The following THSD7B variants were observed in gnomAD, a reference collection of about 807,000 sequenced individuals.
THSD7B encodes thrombospondin type 1 domain containing 7B, also known as thrombospondin type-1 domain-containing protein 7B.
Under a neutral mutation model 213.6 loss-of-function variants are expected in THSD7B, and 138 were observed. That is an observed-to-expected ratio of 0.65 (90% CI 0.56 to 0.74). The LOEUF is 0.74. Among genes scored for constraint, THSD7B ranks in the 30% least tolerant of loss-of-function variants. The probability of loss-of-function intolerance (pLI) is 0.00; values close to 1 mark genes in which losing one functional copy is unlikely to be tolerated. For missense variants in THSD7B, 1,931 were observed against 1,991.5 expected, an observed-to-expected ratio of 0.97 and a Z score of 0.58; for synonymous variants, 742 against 687.0, an observed-to-expected ratio of 1.08 and a Z score of -1.25.
At chr2:137,676,502 A>T in intron 27 of THSD7B, 22 bp from the exon 28 acceptor site, 1 of 1,570,526 alleles carries the variant, frequency 6.4e-7, no homozygotes, top group Non-Finnish European at 8.6e-7. Context: ...ACTTGATCTG[A>T]GGAATTTTTT....
At chr2:137,316,365 C>G (rs1460632764) in intron 12 of THSD7B, among the ~76,000 whole-genome samples, 8 of 152,238 alleles carry the variant, frequency 5.3e-5, no homozygotes, top group Non-Finnish European at 1.2e-4. Flanking sequence ...TAAGAATTTA[C>G]TCCAGGTTTC....
intron 7 of THSD7B, among the ~76,000 whole-genome samples, chr2:137,217,701 CAG>C (rs1324705985): frequency 2.6e-5 from 4 of 152,172 alleles, no homozygotes; most frequent in African/African-American, 9.6e-5. Context: ...AAAAACATCT[CAG>C]ATGCTAAAAC....
chr2:137,063,649 A>C (rs1369335474), intron 3 of THSD7B, among the ~76,000 whole-genome samples: 2 of 151,780 alleles, frequency 1.3e-5, no homozygotes, highest in Admixed American at 6.6e-5. Context: ...CTGTGTGCCC[A>C]TTAATCTCCA....
intron 1 of THSD7B, among the ~76,000 whole-genome samples, chr2:136,813,165 T>G (rs559748141): frequency 6.6e-6 from 1 of 152,364 alleles, no homozygotes; most frequent in East Asian, 1.9e-4. Flanking sequence ...TACTTTTTGC[T>G]TCTTTTTGAT....
At chr2:137,630,927 C>T (rs1682729570) in intron 20 of THSD7B, among the ~76,000 whole-genome samples, 1 of 152,136 alleles carries the variant, frequency 6.6e-6, no homozygotes, top group African/African-American at 2.4e-5. Flanking sequence ...ATCTTTTTTT[C>T]TGCATTCGCT....
At chr2:137,131,692 A>T (rs1688735425) in intron 5 of THSD7B, among the ~76,000 whole-genome samples, 1 of 152,128 alleles carries the variant, frequency 6.6e-6, no homozygotes, top group African/African-American at 2.4e-5. Context: ...ATAGTTGTAG[A>T]TATGCAGCGT....
chr2:136,980,746 C>G (rs1177477776), intron 2 of THSD7B, among the ~76,000 whole-genome samples: 1 of 152,182 alleles, frequency 6.6e-6, no homozygotes, highest in African/African-American at 2.4e-5. Context: ...AACCAAGGCC[C>G]TGGTGGTGTG....
At chr2:137,539,455 A>G (rs539060679) in intron 15 of THSD7B, among the ~76,000 whole-genome samples, 1 of 151,776 alleles carries the variant, frequency 6.6e-6, no homozygotes, top group South Asian at 2.1e-4. Flanking sequence ...TTATAATGTC[A>G]TACCTTCTGT....
At chr2:137,077,342 G>A (rs574636564) in intron 3 of THSD7B, among the ~76,000 whole-genome samples, 144 of 152,272 alleles carry the variant, frequency 9.5e-4, no homozygotes, top group Admixed American at 3.9e-3. Context: ...TATATACCCA[G>A]TAATGGGATG....
At chr2:137,039,729 A>G (rs1264779196) in intron 2 of THSD7B, among the ~76,000 whole-genome samples, 1 of 152,236 alleles carries the variant, frequency 6.6e-6, no homozygotes, top group African/African-American at 2.4e-5. Context: ...GCTGAATGGC[A>G]AAATCAGGAT....
chr2:136,803,722 G>A (rs368766129), intron 1 of THSD7B, among the ~76,000 whole-genome samples: 3 of 152,160 alleles, frequency 2.0e-5, no homozygotes, highest in Non-Finnish European at 4.4e-5. Flanking sequence ...CCATCTTCAC[G>A]CTGAAGAACA....
At chr2:137,626,202 C>G (rs1291971977) in intron 20 of THSD7B, among the ~76,000 whole-genome samples, 1 of 152,156 alleles carries the variant, frequency 6.6e-6, no homozygotes, top group Non-Finnish European at 1.5e-5. Flanking sequence ...GTGGCTCACG[C>G]CTGTAACCCC....
At chr2:137,634,489 C>A (rs768043095) in intron 20 of THSD7B, among the ~76,000 whole-genome samples, 1 of 152,132 alleles carries the variant, frequency 6.6e-6, no homozygotes, top group Admixed American at 6.5e-5. Flanking sequence ...GAACCTTCTT[C>A]GACAATCTCT....
At chr2:137,264,978 T>TC (rs1314531706) in intron 10 of THSD7B, among the ~76,000 whole-genome samples, 4 of 151,728 alleles carry the variant, frequency 2.6e-5, no homozygotes, top group Admixed American at 2.0e-4. Context: ...CCCTCCCCTC[T>TC]CCCCCCACGC....
At position 137,357,465 on chromosome 2, in the gene THSD7B, G is replaced by A. The variant is rs553247065; in HGVS notation, c.2501-48148G>A. Among the ~76,000 whole-genome samples, 32 of 152,112 alleles carry A rather than the reference G, an allele frequency of 2.1e-4. 1 individual carries two copies. The South Asian group carries it at 6.4e-3, about 31-fold the overall frequency. ...CTGAGATTATATATCTTATTTATAGGATTGTTATAAGTATTAGAAAATTAT... is the reference window on the plus strand; with the variant it reads ...CTGAGATTATATATCTTATTTATAGAATTGTTATAAGTATTAGAAAATTAT... On this transcript the variant is annotated intron_variant, in intron 12 of 27. Transcript: ENST00000409968.
At position 137,066,594 on chromosome 2, in the gene THSD7B, T is replaced by TC. The variant is rs547641310; in HGVS notation, c.950+9365dup. 2.5e-4 allele frequency among the ~76,000 whole-genome samples: 38 copies of TC among 152,246 alleles called. 1 individual carries two copies. The South Asian group carries it at 6.0e-3, about 24-fold the overall frequency. On this transcript the variant is annotated intron_variant, in intron 3 of 27. Coordinates refer to ENST00000409968, the MANE Select transcript of THSD7B (RefSeq NM_001316349.2). Reference sequence around the variant, plus strand: ...CTTCTCTATAGGTAAGGTGTGTTTTTCTCCCTCTGGCTTCTTGAAATAATT... The same window carrying TC: ...CTTCTCTATAGGTAAGGTGTGTTTTTCCTCCCTCTGGCTTCTTGAAATAATT...
At chr2:137,273,542 C>T (rs990326896) in intron 11 of THSD7B, among the ~76,000 whole-genome samples, 1 of 152,016 alleles carries the variant, frequency 6.6e-6, no homozygotes, top group Non-Finnish European at 1.5e-5. Flanking sequence ...GCAAAAATGT[C>T]CCGTGTTTCT....
intron 12 of THSD7B, among the ~76,000 whole-genome samples, chr2:137,355,893 T>A (rs761292449): frequency 1.8e-4 from 27 of 152,210 alleles, no homozygotes; most frequent in Non-Finnish European, 4.0e-4. Flanking sequence ...GCTAACGCTA[T>A]GCTTCTTTGC....
rs1683732776 is a variant in THSD7B at position 137,677,581 on chromosome 2, T to TATCTA, written c.*978_*982dup. 1 of 152,774 alleles carries TATCTA rather than the reference T, an allele frequency of 6.5e-6. No homozygotes were observed. The highest frequency in any genetic ancestry group is 1.9e-4 in the East Asian group (1 of 5,188). The allele number at this position is 152,774 out of a possible 1,614,324, so 9.5% of individuals were successfully genotyped here. Reference sequence around the variant, plus strand: ...TCTTGCTTTTATAAGGTTTCAATAATATCTAAAACAACACATTAAAAAGCT... The same window carrying TATCTA: ...TCTTGCTTTTATAAGGTTTCAATAATATCTAATCTAAAACAACACATTAAAAAGCT... On this transcript the variant is annotated 3_prime_UTR_variant, in exon 28 of 28. Coordinates refer to ENST00000409968, the MANE Select transcript of THSD7B (RefSeq NM_001316349.2).
Sources: gnomAD v4.1 joint callset for allele counts (sites outside exome capture counted in the v4.1 genomes callset) on GRCh38, gnomAD v4.1.1 for gene constraint, MANE v1.5 for transcripts, NCBI Gene and HGNC (gene_info 2026-07-23, HGNC 2026-07-21) for gene names.